Variants in XKR9 observed in about 807,000 individuals in gnomAD.
XKR9 encodes the protein XK related 9.
A neutral mutation model predicts 32.0 loss-of-function variants in XKR9; 32 were observed. The ratio of observed to expected loss-of-function variants is 1.00; its 90% confidence interval spans 0.76 to 1.34. XKR9 has a LOEUF of 1.34. Among genes scored for constraint, XKR9 ranks in the 40% most tolerant of loss-of-function variants. XKR9 has a pLI of 0.00. For synonymous variants in XKR9, 168 were observed against 143.4 expected (o/e 1.17, Z -1.22); for missense variants, 546 against 429.7 (o/e 1.27, Z -2.39).
chr8:70,945,000 T>C, the XKR9 span, among the ~76,000 whole-genome samples: 1 of 152,026 alleles, frequency 6.6e-6, no homozygotes, highest in African/African-American at 2.4e-5. Flanking sequence ...CAACATTAGG[T>C]AAGACAAAAA....
chr8:70,878,277 A>C, the XKR9 span, among the ~76,000 whole-genome samples: 1 of 152,158 alleles, frequency 6.6e-6, no homozygotes, highest in Admixed American at 6.5e-5. Context: ...CGAACATCAT[A>C]ATGAGAGGAT....
chr8:70,923,989 T>C, the XKR9 span, among the ~76,000 whole-genome samples: 1 of 152,234 alleles, frequency 6.6e-6, no homozygotes, highest in African/African-American at 2.4e-5. Context: ...CTAGTGGTAA[T>C]GTTGGTGAAC....
At chr8:70,740,852 C>T (rs1342315414), downstream of XKR9, among the ~76,000 whole-genome samples, 3 of 152,162 alleles carry the variant, frequency 2.0e-5, no homozygotes, top group East Asian at 1.9e-4. Context: ...AGTACCTGGC[C>T]GTGTGAGGTG....
chr8:70,833,729 G>T, the XKR9 span, among the ~76,000 whole-genome samples: 1 of 152,132 alleles, frequency 6.6e-6, no homozygotes, highest in African/African-American at 2.4e-5. Context: ...AAAAATGTAA[G>T]TTTCTTTAAT....
chr8:70,881,945 G>A, the XKR9 span, among the ~76,000 whole-genome samples: 1 of 152,196 alleles, frequency 6.6e-6, no homozygotes, highest in African/African-American at 2.4e-5. Context: ...AAAAAAGGAT[G>A]AGTTCATGTC....
the XKR9 span, among the ~76,000 whole-genome samples, chr8:70,868,540 C>G: frequency 6.6e-6 from 1 of 152,140 alleles, no homozygotes. Flanking sequence ...GCTGGAGTGA[C>G]TGGGACACCA....
At chr8:70,867,779 G>A in the XKR9 span, among the ~76,000 whole-genome samples, 1 of 152,124 alleles carries the variant, frequency 6.6e-6, no homozygotes. Context: ...ACTCATTTCA[G>A]CATTAACTCA....
downstream of XKR9, among the ~76,000 whole-genome samples, chr8:70,794,860 C>A (rs1807809139): frequency 1.6e-5 from 2 of 122,562 alleles, no homozygotes; most frequent in African/African-American, 6.7e-5. Context: ...GTATATTTGT[C>A]TAATTTTGTT....
chr8:70,732,445 A>G (rs1197674562), intron 4 of XKR9, among the ~76,000 whole-genome samples: 1 of 152,210 alleles, frequency 6.6e-6, no homozygotes, highest in Non-Finnish European at 1.5e-5. Flanking sequence ...CAAGAGAACT[A>G]GGCAGCCACT....
At chr8:70,741,402 C>G (rs113743581) in intron 2 of XKR9, among the ~76,000 whole-genome samples, 7 of 152,282 alleles carry the variant, frequency 4.6e-5, no homozygotes, top group African/African-American at 1.7e-4. Context: ...GCTCTGAAAC[C>G]ATTAGTGAAG....
chr8:70,787,942 G>A (rs938357162), intron 2 of XKR9, among the ~76,000 whole-genome samples: 34 of 152,104 alleles, frequency 2.2e-4, no homozygotes, highest in Non-Finnish European at 7.4e-5. Flanking sequence ...AAGAGGAATA[G>A]GTCCATGACA....
the XKR9 span, among the ~76,000 whole-genome samples, chr8:71,016,066 C>G: frequency 6.6e-6 from 1 of 150,524 alleles, no homozygotes; most frequent in Non-Finnish European, 1.5e-5. Flanking sequence ...TCCATTTTCC[C>G]CCCCGGTATT....
chr8:70,670,467 G>GC (rs1229444199), intron 1 of XKR9: 3 of 151,828 alleles, frequency 2.0e-5, no homozygotes, highest in Non-Finnish European at 4.4e-5. Context: ...TGTAATCACT[G>GC]CCCCAAAGAG....
At chr8:70,962,116 A>G in the XKR9 span, among the ~76,000 whole-genome samples, 5 of 152,170 alleles carry the variant, frequency 3.3e-5, no homozygotes, top group African/African-American at 1.2e-4. Flanking sequence ...GTTATTTTTA[A>G]CTAGAGATAT....
the XKR9 span, among the ~76,000 whole-genome samples, chr8:71,022,649 G>T: frequency 6.6e-6 from 1 of 152,098 alleles, no homozygotes; most frequent in Admixed American, 6.5e-5. Context: ...CCTGCATCTG[G>T]ATGTCTCAAT....
intron 2 of XKR9, among the ~76,000 whole-genome samples, chr8:70,761,102 C>A (rs780649991): frequency 6.6e-6 from 1 of 152,206 alleles, no homozygotes; most frequent in Non-Finnish European, 1.5e-5. Context: ...TTTTCTTCAT[C>A]CAGTCGACCA....
At chr8:70,999,229 T>A in the XKR9 span, among the ~76,000 whole-genome samples, 1 of 152,214 alleles carries the variant, frequency 6.6e-6, no homozygotes, top group Non-Finnish European at 1.5e-5. Flanking sequence ...TAAAGATTTC[T>A]CCAAAAGATC....
chr8:70,724,444 A>AC (rs528378875), intron 4 of XKR9, among the ~76,000 whole-genome samples: 1 of 151,658 alleles, frequency 6.6e-6, no homozygotes, highest in African/African-American at 2.4e-5. Context: ...AAAAAAAAAA[A>AC]AACTCCTGCA....
chr8:70,858,662 T>C, the XKR9 span, among the ~76,000 whole-genome samples: 1 of 152,006 alleles, frequency 6.6e-6, no homozygotes, highest in African/African-American at 2.4e-5. Flanking sequence ...AAAACAGACA[T>C]AGACCAATGG....
Sources: allele counts gnomAD v4.1 joint callset (sites outside exome capture counted in the v4.1 genomes callset), GRCh38; gene constraint gnomAD v4.1.1; transcripts MANE v1.5; gene names NCBI Gene and HGNC (gene_info 2026-07-23, HGNC 2026-07-21).